The following ZNF407 variants were observed in gnomAD, a reference collection of about 807,000 sequenced individuals.
ZNF407 encodes the protein zinc finger protein 407.
A neutral mutation model predicts 131.2 loss-of-function variants in ZNF407; 17 were observed. That is an observed-to-expected ratio of 0.13 (90% CI 0.09 to 0.19). The LOEUF is 0.19. Among genes scored for constraint, ZNF407 ranks in the 10% least tolerant of loss-of-function variants. ZNF407 has a pLI of 1.00. For missense variants in ZNF407, 2,681 were observed against 2,830.6 expected (o/e 0.95, Z 1.20); for synonymous variants, 1,156 against 1,062.0 (o/e 1.09, Z -1.72).
intron 4 of ZNF407, among the ~76,000 whole-genome samples, chr18:74,805,251 C>G (rs547383142): frequency 3.9e-5 from 6 of 152,086 alleles, no homozygotes; most frequent in Non-Finnish European, 5.9e-5. Flanking sequence ...TCATCTTACT[C>G]TTCTGCTATT....
intron 8 of ZNF407, among the ~76,000 whole-genome samples, chr18:75,041,622 GCACACACACACACA>G (rs57989015): frequency 2.1e-5 from 3 of 144,878 alleles, no homozygotes; most frequent in Admixed American, 1.4e-4. Flanking sequence ...GCATGCACGT[GCACACACACACACA>G]CACACACACA....
chr18:74,977,634 G>A (rs1331179215), intron 8 of ZNF407, among the ~76,000 whole-genome samples: 1 of 152,230 alleles, frequency 6.6e-6, no homozygotes, highest in Non-Finnish European at 1.5e-5. Context: ...CATCTTGGCA[G>A]GCTCCACAGA....
chr18:74,987,763 C>T (rs1409075966), intron 8 of ZNF407, among the ~76,000 whole-genome samples: 1 of 151,736 alleles, frequency 6.6e-6, no homozygotes, highest in Non-Finnish European at 1.5e-5. Context: ...ATATTCAAGA[C>T]CTGTACAATA....
intron 8 of ZNF407, among the ~76,000 whole-genome samples, chr18:74,994,259 A>C (rs931954229): frequency 5.9e-5 from 9 of 152,204 alleles, no homozygotes; most frequent in Non-Finnish European, 1.3e-4. Flanking sequence ...AAATGTGTAT[A>C]TATAGAAAGA....
intron 3 of ZNF407, among the ~76,000 whole-genome samples, chr18:74,642,554 A>G (rs1306804652): frequency 6.6e-6 from 1 of 152,116 alleles, no homozygotes; most frequent in Non-Finnish European, 1.5e-5. Context: ...TAGGGTTACT[A>G]AGACCCTAGA....
At chr18:75,055,476 G>T (rs1211375594) in intron 8 of ZNF407, among the ~76,000 whole-genome samples, 1 of 152,170 alleles carries the variant, frequency 6.6e-6, no homozygotes, top group East Asian at 1.9e-4. Flanking sequence ...AGTGAGATTT[G>T]TGTGCATCAC....
intron 3 of ZNF407, among the ~76,000 whole-genome samples, chr18:74,672,801 C>A (rs974157631): frequency 1.3e-5 from 2 of 152,120 alleles, no homozygotes; most frequent in African/African-American, 4.8e-5. Context: ...ATGTTTTGAT[C>A]ACTTTTAATG....
At chr18:75,018,049 A>G (rs1349261424) in intron 8 of ZNF407, among the ~76,000 whole-genome samples, 1 of 152,168 alleles carries the variant, frequency 6.6e-6, no homozygotes, top group Non-Finnish European at 1.5e-5. Flanking sequence ...AAGAAAAATC[A>G]TTTTCTGTGA....
At chr18:75,023,770 C>G (rs907226026) in intron 8 of ZNF407, among the ~76,000 whole-genome samples, 1 of 152,138 alleles carries the variant, frequency 6.6e-6, no homozygotes, top group East Asian at 1.9e-4. Context: ...TAGTCATTCC[C>G]CACATTCAAT....
At chr18:74,873,586 G>T (rs551698660) in intron 4 of ZNF407, among the ~76,000 whole-genome samples, 22 of 152,114 alleles carry the variant, frequency 1.4e-4, no homozygotes, top group African/African-American at 4.8e-4. Context: ...ATCCTGCCAG[G>T]TGAGGTGGCT....
Position 74,645,637 on chromosome 18 carries a change from TTGTGTGTGTGTGTGTG to T in ZNF407, c.4802+4538_4802+4553del, listed in dbSNP as rs35047949. On this transcript the variant is annotated intron_variant, in intron 3 of 8. Coordinates refer to ENST00000299687, the MANE Select transcript of ZNF407 (RefSeq NM_017757.3). ...AAAGTTACTAATGCAGTAAAACTCTTTGTGTGTGTGTGTGTGTGTGTGTGTGTGTGTGTGTGTGGCA... is the reference window on the plus strand; with the variant it reads ...AAAGTTACTAATGCAGTAAAACTCTTTGTGTGTGTGTGTGTGTGTGTGGCA... Among the ~76,000 whole-genome samples the T allele has an allele frequency of 4.1e-5, 6 of 145,290 alleles. No homozygotes were observed. In the East Asian group the frequency reaches 6.1e-4, roughly 15 times the overall value.
At chr18:74,617,260 C>A (rs900188343) in intron 1 of ZNF407, among the ~76,000 whole-genome samples, 1 of 151,726 alleles carries the variant, frequency 6.6e-6, no homozygotes, top group Admixed American at 6.6e-5. Flanking sequence ...CCCATAAACA[C>A]TCAGTCTGTA....
chr18:74,890,515 C>T (rs1408414511), intron 7 of ZNF407, among the ~76,000 whole-genome samples: 1 of 152,132 alleles, frequency 6.6e-6, no homozygotes, highest in Non-Finnish European at 1.5e-5. Context: ...ATAATCTTAA[C>T]ATTTAGATTT....
chr18:74,721,628 T>G (rs1419814867), intron 3 of ZNF407, among the ~76,000 whole-genome samples: 2 of 152,232 alleles, frequency 1.3e-5, no homozygotes, highest in Non-Finnish European at 2.9e-5. Flanking sequence ...TGTCTCTAAA[T>G]GTAAAGTGAG....
chr18:74,687,896 GCTTCTTACTA>G (rs1448738413), intron 3 of ZNF407, among the ~76,000 whole-genome samples: 2 of 152,050 alleles, frequency 1.3e-5, no homozygotes, highest in African/African-American at 4.8e-5. Context: ...GATAGCTTAT[GCTTCTTACTA>G]CTGTTAATTA....
intron 8 of ZNF407, among the ~76,000 whole-genome samples, chr18:75,052,919 C>G (rs912634467): frequency 6.6e-6 from 1 of 152,224 alleles, no homozygotes; most frequent in Non-Finnish European, 1.5e-5. Context: ...CAGCTCCTTT[C>G]AAACAGGCTT....
At chr18:74,797,489 A>G (rs1473876583) in intron 4 of ZNF407, among the ~76,000 whole-genome samples, 1 of 152,228 alleles carries the variant, frequency 6.6e-6, no homozygotes, top group Non-Finnish European at 1.5e-5. Context: ...AATGAAACTG[A>G]ATCTGAAAAT....
At chr18:74,737,310 T>G (rs1198758710) in intron 3 of ZNF407, among the ~76,000 whole-genome samples, 1 of 152,182 alleles carries the variant, frequency 6.6e-6, no homozygotes, top group Admixed American at 6.5e-5. Flanking sequence ...TTAGCACTGT[T>G]GGGGAAAATA....
chr18:74,958,444 A>T lies in ZNF407; in HGVS notation c.5428+37752A>T, dbSNP rs74813402. 2.0e-5 allele frequency among the ~76,000 whole-genome samples: 3 copies of T among 152,098 alleles called. No homozygotes were observed. In the East Asian group the frequency reaches 5.8e-4, roughly 29 times the overall value. ...GTCGAGGAGGGAGCACCTGAGCTGC[A>T]TTGGCCATGAGGAGGAGCCCCGTCA... On this transcript the variant is annotated intron_variant, in intron 8 of 8. Coordinates refer to ENST00000299687, the MANE Select transcript of ZNF407 (RefSeq NM_017757.3).
Sources: gnomAD v4.1 joint callset for allele counts (sites outside exome capture counted in the v4.1 genomes callset) on GRCh38, gnomAD v4.1.1 for gene constraint, MANE v1.5 for transcripts, NCBI Gene and HGNC (gene_info 2026-07-23, HGNC 2026-07-21) for gene names.